The following MATN2 variants were observed in gnomAD, a reference collection of about 807,000 sequenced individuals.
MATN2 encodes matrilin-2.
Under a neutral mutation model 103.2 loss-of-function variants are expected in MATN2, and 69 were observed. The ratio of observed to expected loss-of-function variants is 0.67; its 90% confidence interval spans 0.55 to 0.82. MATN2 has a LOEUF of 0.82. Among genes scored for constraint, MATN2 ranks in the 40% least tolerant of loss-of-function variants. The probability of loss-of-function intolerance (pLI) is 0.00; values close to 1 mark genes in which losing one functional copy is unlikely to be tolerated. For synonymous variants in MATN2, 429 were observed against 450.2 expected (o/e 0.95, Z 0.60); for missense variants, 1,023 against 1,211.5 (o/e 0.84, Z 2.31).
At chr8:98,028,162 C>T (rs540584922) in intron 14 of MATN2, among the ~76,000 whole-genome samples, 127 of 152,270 alleles carry the variant, frequency 8.3e-4, no homozygotes, top group African/African-American at 2.9e-3. Context: ...AAACACTGGT[C>T]GGCTTGCTCT....
At position 97,941,913 on chromosome 8, in the gene MATN2, G is replaced by A; in HGVS notation, c.835+14G>A. 6.2e-7 allele frequency: 1 copy of A among 1,611,652 alleles called. No homozygotes were observed. The highest frequency in any genetic ancestry group is 8.5e-7 in the Non-Finnish European group (1 of 1,178,398). On this transcript the variant is annotated intron_variant, in intron 4 of 18. Transcript: ENST00000254898. ...CGACTTGCAGAAGTAAGATTGCTTT[G>A]CTGATGTATTTGTGGTTTCTTCCTA...
At chr8:97,870,900 C>A (rs1817873470) in intron 1 of MATN2, among the ~76,000 whole-genome samples, 1 of 152,224 alleles carries the variant, frequency 6.6e-6, no homozygotes, top group South Asian at 2.1e-4. Flanking sequence ...GGCTCTTCAC[C>A]TTGCATTTTC....
chr8:97,979,784 C>T (rs1249324921), intron 6 of MATN2, among the ~76,000 whole-genome samples: 1 of 152,152 alleles, frequency 6.6e-6, no homozygotes, highest in Non-Finnish European at 1.5e-5. Flanking sequence ...TAGGGTAAGG[C>T]ACCTCAGAGA....
chr8:98,031,374 G>A (rs1211620142), intron 15 of MATN2: 1 of 152,096 alleles, frequency 6.6e-6, no homozygotes, highest in African/African-American at 2.4e-5. Flanking sequence ...AAACAGGGGA[G>A]GTGGGAAAGA....
At position 98,027,702 on chromosome 8, in the gene MATN2, G is replaced by A; in HGVS notation, c.2229G>A (p.Glu743=). The change falls in exon 14 of 19, where the codon GAG becomes GAA. Residue 743 remains glutamate, a synonymous_variant. Transcript: ENST00000254898. ...GGCTGGCCCTGAAACACATGTTTGAGAGAAGTTTTACCCAAGGAGAAGGGG... is the reference window on the plus strand; with the variant it reads ...GGCTGGCCCTGAAACACATGTTTGAAAGAAGTTTTACCCAAGGAGAAGGGG... The part of the protein sequence containing the change: ...MTGLALKHMF[E]RSFTQGEGAR... 1.2e-6 allele frequency: 2 copies of A among 1,613,974 alleles called. No individual in the cohort carries two copies. Among genetic ancestry groups the A allele is most frequent in the Non-Finnish European group, 1.7e-6 (2 of 1,179,874 alleles).
intron 1 of MATN2, among the ~76,000 whole-genome samples, chr8:97,883,651 T>A (rs1193079932): frequency 2.0e-5 from 3 of 151,824 alleles, no homozygotes; most frequent in Non-Finnish European, 4.4e-5. Flanking sequence ...CTCCTGGGTT[T>A]ACACCATTCT....
intron 1 of MATN2, among the ~76,000 whole-genome samples, chr8:97,885,803 A>G (rs2129970402): frequency 6.6e-6 from 1 of 152,282 alleles, no homozygotes; most frequent in East Asian, 1.9e-4. Context: ...TGTCTCAAAA[A>G]AAGAGTTTAA....
chr8:98,007,848 T>G lies in MATN2; in HGVS notation c.1573+247T>G, dbSNP rs1813028104. On this transcript the variant is annotated intron_variant, in intron 10 of 18. Transcript: ENST00000254898. This position sits in a 1 kb window ranked among gnomAD's most constrained non-coding sequence, Gnocchi z 4.2. Reference sequence around the variant, plus strand: ...TTCCACCTCCCTGTCATTCTGAAGCTGGACAGAGCCCTTGTCCTCAGCTCT... The same window carrying G: ...TTCCACCTCCCTGTCATTCTGAAGCGGGACAGAGCCCTTGTCCTCAGCTCT... Among the ~76,000 whole-genome samples, 2 of 152,222 alleles carry G rather than the reference T, an allele frequency of 1.3e-5. No homozygotes were observed. The highest frequency in any genetic ancestry group is 4.8e-5 in the African/African-American group (2 of 41,448).
chr8:97,957,138 A>G lies in MATN2; in HGVS notation c.836-4270A>G, dbSNP rs113230562. ...GGGGAAGAAGCCTTAACTCCAGCCAACTTGAAGGAGGCTTCCCACAGGAGG... is the reference window on the plus strand; with the variant it reads ...GGGGAAGAAGCCTTAACTCCAGCCAGCTTGAAGGAGGCTTCCCACAGGAGG... On this transcript the variant is annotated intron_variant, in intron 4 of 18. Transcript: ENST00000254898. Among the ~76,000 whole-genome samples the G allele has an allele frequency of 1.6e-3, 244 of 152,258 alleles. 2 individuals are homozygous for G. The highest frequency in any genetic ancestry group is 5.5e-3 in the African/African-American group (227 of 41,554).
intron 2 of MATN2, among the ~76,000 whole-genome samples, chr8:97,913,707 C>T (rs888801690): frequency 2.0e-5 from 3 of 151,652 alleles, no homozygotes; most frequent in Non-Finnish European, 2.9e-5. Context: ...CTCTGCCTCC[C>T]GGGTTCAAGC....
At chr8:97,896,489 G>A (rs1344664493) in intron 2 of MATN2, among the ~76,000 whole-genome samples, 3 of 152,242 alleles carry the variant, frequency 2.0e-5, no homozygotes, top group Non-Finnish European at 4.4e-5. Flanking sequence ...CAGGACAACA[G>A]GGATGGGGCA....
At chr8:98,034,781 A>T (rs1011304200) in intron 18 of MATN2, among the ~76,000 whole-genome samples, 1 of 152,142 alleles carries the variant, frequency 6.6e-6, no homozygotes, top group Non-Finnish European at 1.5e-5. Context: ...TTCTGACTTC[A>T]TATCTTACTT....
At chr8:98,002,617 C>G (rs951939545) in intron 7 of MATN2, among the ~76,000 whole-genome samples, 1 of 152,090 alleles carries the variant, frequency 6.6e-6, no homozygotes, top group Non-Finnish European at 1.5e-5. Context: ...CAGCTCTCAG[C>G]TCTTTGGCCA....
intron 12 of MATN2, 114 bp downstream of exon 12, chr8:98,018,230 CTGCCT>C: frequency 7.3e-7 from 1 of 1,365,398 alleles, no homozygotes; most frequent in Admixed American, 1.9e-5. Flanking sequence ...GTGTCAGTTC[CTGCCT>C]TGGGTGCTCT....
At chr8:97,898,268 C>A (rs1344538505) in intron 2 of MATN2, among the ~76,000 whole-genome samples, 1 of 152,108 alleles carries the variant, frequency 6.6e-6, no homozygotes, top group Non-Finnish European at 1.5e-5. Context: ...TCCTGTCCTT[C>A]GTCTCTCTAT....
At chr8:97,970,778 G>A (rs577902633) in intron 5 of MATN2, among the ~76,000 whole-genome samples, 2 of 151,860 alleles carry the variant, frequency 1.3e-5, no homozygotes, top group African/African-American at 2.4e-5. Flanking sequence ...TAAGACTCCT[G>A]TCTCTACAAA....
chr8:98,013,210 C>A (rs148024129), intron 10 of MATN2, among the ~76,000 whole-genome samples: 87 of 152,356 alleles, frequency 5.7e-4, no homozygotes, highest in African/African-American at 2.0e-3. Context: ...CTATCATCCA[C>A]CTTTGGCATT....
chr8:97,940,637 C>CTTT (rs951824216), intron 3 of MATN2, among the ~76,000 whole-genome samples: 3 of 152,116 alleles, frequency 2.0e-5, no homozygotes, highest in African/African-American at 7.2e-5. Flanking sequence ...TTGAGAGCTC[C>CTTT]TTTTATTTTA....
intron 5 of MATN2, among the ~76,000 whole-genome samples, chr8:97,972,638 G>A (rs973977353): frequency 2.0e-5 from 3 of 152,150 alleles, no homozygotes; most frequent in African/African-American, 7.2e-5. Flanking sequence ...CGTTAGAATT[G>A]GACCAGGTTA....
Sources: allele counts gnomAD v4.1 joint callset (sites outside exome capture counted in the v4.1 genomes callset), GRCh38; gene constraint gnomAD v4.1.1; non-coding constraint Gnocchi (gnomAD v3.1); transcripts MANE v1.5; gene names NCBI Gene and HGNC (gene_info 2026-07-23, HGNC 2026-07-21).